Variants in MSH3 observed in about 807,000 individuals in gnomAD.
MSH3 encodes mutS homolog 3.
In MSH3, 106 loss-of-function variants were observed where a neutral mutation model predicts 123.3. That is an observed-to-expected ratio of 0.86 (90% CI 0.73 to 1.01). The LOEUF is 1.01. MSH3 is among the 50% of genes least tolerant of loss of function. MSH3 has a pLI of 0.00. For synonymous variants in MSH3, 515 were observed against 481.4 expected (o/e 1.07, Z -0.91); for missense variants, 1,459 against 1,347.6 (o/e 1.08, Z -1.29).
chr5:80,756,998 A>G lies in MSH3; in HGVS notation c.1764-4548A>G, dbSNP rs191329094. On this transcript the variant is annotated intron_variant, in intron 12 of 23. Transcript: ENST00000265081. ...CTCGTTCTGTGCTGTCTTAAAAGTC[A>G]AACTTTTCAGTAAAACGAAACCAAA... Among the ~76,000 whole-genome samples, 545 of 152,314 alleles carry G rather than the reference A, an allele frequency of 3.6e-3. 2 individuals carry two copies. The highest frequency in any genetic ancestry group is 6.7e-3 in the Non-Finnish European group (455 of 68,020).
intron 22 of MSH3, among the ~76,000 whole-genome samples, chr5:80,865,330 C>T (rs1561503721): frequency 1.3e-5 from 2 of 152,196 alleles, no homozygotes; most frequent in Middle Eastern, 3.4e-3. Flanking sequence ...ATATTTTCCC[C>T]AAAATATCAT....
At chr5:80,848,155 G>A (rs1366847578) in intron 20 of MSH3, among the ~76,000 whole-genome samples, 2 of 152,216 alleles carry the variant, frequency 1.3e-5, no homozygotes, top group African/African-American at 4.8e-5. Flanking sequence ...TCTGAGCACA[G>A]GAAGGTTGAG....
At chr5:80,671,833 C>T (rs1346463) in intron 4 of MSH3, among the ~76,000 whole-genome samples, 38,324 of 152,088 alleles carry the variant, frequency 0.25, 4,944 homozygotes, top group Middle Eastern at 0.32. Flanking sequence ...TTTCTCTGTC[C>T]GGATGGGTTC....
At chr5:80,795,950 C>T (rs1049181499) in intron 19 of MSH3, among the ~76,000 whole-genome samples, 4 of 150,188 alleles carry the variant, frequency 2.7e-5, no homozygotes, top group Non-Finnish European at 4.4e-5. Context: ...GGCCGCTGCA[C>T]TCCAGCCTGA....
intron 19 of MSH3, among the ~76,000 whole-genome samples, chr5:80,807,771 A>T (rs1744917482): frequency 6.6e-6 from 1 of 152,218 alleles, no homozygotes; most frequent in East Asian, 1.9e-4. Context: ...CCAGCCCTGG[A>T]CAGGATGCCA....
At chr5:80,696,413 G>A (rs1004591842) in intron 8 of MSH3, among the ~76,000 whole-genome samples, 14 of 152,120 alleles carry the variant, frequency 9.2e-5, no homozygotes, top group African/African-American at 3.1e-4. Context: ...AGAGTAGAGC[G>A]GTTATTGGCT....
chr5:80,729,211 C>T (rs1031120843), intron 10 of MSH3, among the ~76,000 whole-genome samples: 1 of 151,650 alleles, frequency 6.6e-6, no homozygotes, highest in Non-Finnish European at 1.5e-5. Flanking sequence ...GTCAGGAGAT[C>T]GAGACCATCC....
intron 19 of MSH3, among the ~76,000 whole-genome samples, chr5:80,810,276 A>G (rs1435072288): frequency 6.6e-6 from 1 of 150,814 alleles, no homozygotes; most frequent in African/African-American, 2.4e-5. Context: ...AGTATTCTGC[A>G]TTGTAAATAA....
chr5:80,657,345 G>A (rs1199625112), intron 2 of MSH3, among the ~76,000 whole-genome samples: 2 of 152,188 alleles, frequency 1.3e-5, no homozygotes, highest in Non-Finnish European at 2.9e-5. Context: ...GGAGGTTGAG[G>A]CAGGAGAATC....
intron 20 of MSH3, among the ~76,000 whole-genome samples, chr5:80,836,456 GA>G (rs1745511547): frequency 6.6e-6 from 1 of 150,708 alleles, no homozygotes. Flanking sequence ...CACAGAAAGA[GA>G]GGGGTGAAGA....
At chr5:80,835,120 A>G (rs1745486363) in intron 20 of MSH3, among the ~76,000 whole-genome samples, 1 of 152,268 alleles carries the variant, frequency 6.6e-6, no homozygotes. Flanking sequence ...AAAAGAGAAG[A>G]ACCATTGGAG....
chr5:80,656,713 G>A (rs765862571), intron 2 of MSH3, among the ~76,000 whole-genome samples, 182 bp downstream of exon 2: 1 of 152,186 alleles, frequency 6.6e-6, no homozygotes, highest in African/African-American at 2.4e-5. Context: ...TAAGGGGATG[G>A]TAGAGCTACA....
At chr5:80,838,398 A>G (rs1463529584) in intron 20 of MSH3, among the ~76,000 whole-genome samples, 1 of 152,172 alleles carries the variant, frequency 6.6e-6, no homozygotes, top group Non-Finnish European at 1.5e-5. Context: ...TCATTTGTAC[A>G]TAGGGATAAA....
intron 19 of MSH3, among the ~76,000 whole-genome samples, chr5:80,804,555 T>C (rs938126653): frequency 1.6e-4 from 24 of 152,244 alleles, no homozygotes; most frequent in African/African-American, 5.3e-4. Context: ...TTGGTGGTCT[T>C]GCATAATATT....
chr5:80,692,459 A>G (rs1351559394), intron 8 of MSH3, among the ~76,000 whole-genome samples: 12 of 43,600 alleles, frequency 2.8e-4, no homozygotes, highest in East Asian at 7.5e-4. Flanking sequence ...TAGATAGATA[A>G]ACATGTATAT....
chr5:80,807,396 A>G (rs1051775930), intron 19 of MSH3, among the ~76,000 whole-genome samples: 1 of 152,190 alleles, frequency 6.6e-6, no homozygotes, highest in Admixed American at 6.5e-5. Flanking sequence ...AGTATGAACT[A>G]TGTGTTTAAG....
intron 15 of MSH3, among the ~76,000 whole-genome samples, chr5:80,769,365 G>A (rs574209282): frequency 3.9e-5 from 6 of 152,034 alleles, no homozygotes; most frequent in African/African-American, 4.8e-5. Flanking sequence ...ATGATACAAA[G>A]CCTGTGTTGA....
At chr5:80,819,571 C>A (rs1410512347) in intron 20 of MSH3, among the ~76,000 whole-genome samples, 1 of 151,364 alleles carries the variant, frequency 6.6e-6, no homozygotes, top group Admixed American at 6.6e-5. Context: ...ACTGCAACCT[C>A]CGCCTCCTGG....
At chr5:80,786,613 C>T (rs1744514424) in intron 17 of MSH3, among the ~76,000 whole-genome samples, 1 of 152,094 alleles carries the variant, frequency 6.6e-6, no homozygotes, top group South Asian at 2.1e-4. Context: ...CTATATATTT[C>T]CTGTTACTTA....
Sources: allele counts gnomAD v4.1 joint callset (sites outside exome capture counted in the v4.1 genomes callset), GRCh38; gene constraint gnomAD v4.1.1; transcripts MANE v1.5; gene names NCBI Gene and HGNC (gene_info 2026-07-23, HGNC 2026-07-21).